SPATA9: variants seen among roughly 807,000 people sequenced by gnomAD.
SPATA9 encodes spermatogenesis associated 9, also known as spermatogenesis-associated protein 9.
A neutral mutation model predicts 25.5 loss-of-function variants in SPATA9; 27 were observed. That is an observed-to-expected ratio of 1.06 (90% confidence interval 0.78 to 1.46). The LOEUF (loss-of-function observed/expected upper bound fraction) is 1.46, where lower values mean the gene tolerates loss of function less well. SPATA9 is among the 40% of genes most tolerant of loss of function. The pLI, the probability that SPATA9 is intolerant of heterozygous loss-of-function variation, is 0.00. For missense variants in SPATA9, 282 were observed against 297.5 expected, an observed-to-expected ratio of 0.95 and a Z score of 0.38; for synonymous variants, 102 against 105.7, an observed-to-expected ratio of 0.97 and a Z score of 0.21.
At chr5:95,660,586 T>G (rs1203175732) in intron 4 of SPATA9, among the ~76,000 whole-genome samples, 1 of 152,226 alleles carries the variant, frequency 6.6e-6, no homozygotes, top group Non-Finnish European at 1.5e-5. Context: ...GACCTTTAGC[T>G]GTAAACAGCC....
At chr5:95,679,041 C>T (rs1187864040) in intron 2 of SPATA9, among the ~76,000 whole-genome samples, 1 of 152,200 alleles carries the variant, frequency 6.6e-6, no homozygotes, top group East Asian at 1.9e-4. Flanking sequence ...ACAGCTTTAT[C>T]TTTGGGGATC....
At chr5:95,676,077 C>T (rs1752922215) in intron 2 of SPATA9, among the ~76,000 whole-genome samples, 1 of 152,122 alleles carries the variant, frequency 6.6e-6, no homozygotes, top group South Asian at 2.1e-4. Flanking sequence ...CTGCCTCAGC[C>T]TCCCAAAGTA....
At chr5:95,655,398 C>G (rs1580268626), downstream of SPATA9, 1 of 152,212 alleles carries the variant, frequency 6.6e-6, no homozygotes, top group Non-Finnish European at 1.5e-5. Flanking sequence ...GCTTGAAGAC[C>G]TTGCTCCTCA....
At chr5:95,705,498 C>A in the SPATA9 span, among the ~76,000 whole-genome samples, 2 of 152,006 alleles carry the variant, frequency 1.3e-5, no homozygotes, top group Non-Finnish European at 2.9e-5. Flanking sequence ...CTCTGATTTT[C>A]AACTTTTTCA....
At chr5:95,707,880 C>T in the SPATA9 span, among the ~76,000 whole-genome samples, 1 of 152,114 alleles carries the variant, frequency 6.6e-6, no homozygotes, top group African/African-American at 2.4e-5. Flanking sequence ...CCAGGTTGGG[C>T]ATTACATTCC....
chr5:95,713,032 G>A, the SPATA9 span, among the ~76,000 whole-genome samples: 3 of 152,180 alleles, frequency 2.0e-5, no homozygotes, highest in Admixed American at 1.3e-4. Flanking sequence ...TTGCAAGTGG[G>A]TGTTGTTTAC....
chr5:95,678,751 A>T (rs963832466), intron 2 of SPATA9, among the ~76,000 whole-genome samples: 2 of 152,220 alleles, frequency 1.3e-5, no homozygotes, highest in Non-Finnish European at 2.9e-5. Flanking sequence ...CCGCACTTAC[A>T]ATCTAACCTT....
At chr5:95,698,674 C>T (rs2112714489) in exon 1 of SPATA9, 1 of 152,230 alleles carries the variant, frequency 6.6e-6, no homozygotes, top group African/African-American at 2.4e-5. Context: ...AAGCAGCTGA[C>T]CAAAGTTCCC....
At chr5:95,715,839 C>A in the SPATA9 span, among the ~76,000 whole-genome samples, 9 of 151,998 alleles carry the variant, frequency 5.9e-5, no homozygotes, top group African/African-American at 9.7e-5. Flanking sequence ...CTAACAAAAA[C>A]TAAAATCTAG....
the SPATA9 span, chr5:95,731,026 C>A: frequency 2.2e-6 from 2 of 905,700 alleles, no homozygotes; most frequent in Non-Finnish European, 3.0e-6. Context: ...ATCGCCCCAC[C>A]CCCCTTTCCT....
At chr5:95,672,187 C>T (rs1752450280) in intron 3 of SPATA9, among the ~76,000 whole-genome samples, 1 of 152,092 alleles carries the variant, frequency 6.6e-6, no homozygotes, top group East Asian at 1.9e-4. Flanking sequence ...CAAGCCTTTG[C>T]AGAACTGCAA....
chr5:95,682,497 A>T (rs1396811899), intron 2 of SPATA9, 31 bp downstream of exon 2: 1 of 1,410,852 alleles, frequency 7.1e-7, no homozygotes, highest in Admixed American at 1.9e-5. Context: ...TATTTTTTCT[A>T]TTCCTTTTAA....
downstream of SPATA9, among the ~76,000 whole-genome samples, chr5:95,653,584 A>G (rs911565239): frequency 1.3e-5 from 2 of 152,202 alleles, no homozygotes; most frequent in Admixed American, 6.5e-5. Context: ...ACGCAAAGTA[A>G]TGACTACCTA....
chr5:95,675,010 A>G (rs1262534978), intron 3 of SPATA9, among the ~76,000 whole-genome samples: 5 of 152,250 alleles, frequency 3.3e-5, no homozygotes, highest in Non-Finnish European at 5.9e-5. Context: ...AAGAATGTAG[A>G]AAACGTAATT....
intron 3 of SPATA9, 65 bp downstream of exon 3, chr5:95,675,347 T>G (rs1048918871): frequency 1.4e-5 from 19 of 1,341,184 alleles, no homozygotes; most frequent in Non-Finnish European, 1.9e-5. Flanking sequence ...ATTTTATTTT[T>G]CAAGTTTTGC....
chr5:95,718,417 C>G, the SPATA9 span, among the ~76,000 whole-genome samples: 1 of 152,122 alleles, frequency 6.6e-6, no homozygotes, highest in African/African-American at 2.4e-5. Context: ...AAGTAAAGAA[C>G]GGATGTGGCT....
chr5:95,692,175 T>G (rs939404127), intron 1 of SPATA9, among the ~76,000 whole-genome samples: 1 of 152,172 alleles, frequency 6.6e-6, no homozygotes, highest in Non-Finnish European at 1.5e-5. Context: ...TGAATATGAA[T>G]TGAAAAGGTT....
the SPATA9 span, among the ~76,000 whole-genome samples, chr5:95,711,038 G>A: frequency 6.6e-6 from 1 of 152,076 alleles, no homozygotes; most frequent in Non-Finnish European, 1.5e-5. Context: ...CCTCCCGGAG[G>A]TGCTCTAAAA....
chr5:95,657,666 A>G (rs922352640), downstream of SPATA9: 1 of 152,148 alleles, frequency 6.6e-6, no homozygotes, highest in African/African-American at 2.4e-5. Flanking sequence ...CCTTTACTAC[A>G]TATTATTACA....
Sources: gnomAD v4.1 joint callset for allele counts (sites outside exome capture counted in the v4.1 genomes callset) on GRCh38, gnomAD v4.1.1 for gene constraint, MANE v1.5 for transcripts, NCBI Gene and HGNC (gene_info 2026-07-23, HGNC 2026-07-21) for gene names.